The following PALD1 variants were observed in gnomAD, a reference collection of about 807,000 sequenced individuals.
PALD1 encodes the protein phosphatase domain containing paladin 1, also known as paladin.
Under a neutral mutation model 96.0 loss-of-function variants are expected in PALD1, and 57 were observed. That is an observed-to-expected ratio of 0.59 (90% CI 0.48 to 0.74). The LOEUF is 0.74. Among genes scored for constraint, PALD1 ranks in the 30% least tolerant of loss-of-function variants. The probability of loss-of-function intolerance (pLI) is 0.00; values close to 1 mark genes in which losing one functional copy is unlikely to be tolerated. For synonymous variants in PALD1, 464 were observed against 473.6 expected, an observed-to-expected ratio of 0.98 and a Z score of 0.26; for missense variants, 1,063 against 1,143.7, an observed-to-expected ratio of 0.93 and a Z score of 1.02.
At chr10:70,504,040 C>T (rs917187878) in intron 1 of PALD1, among the ~76,000 whole-genome samples, 1 of 152,218 alleles carries the variant, frequency 6.6e-6, no homozygotes, top group African/African-American at 2.4e-5. Context: ...TTAACCCGGA[C>T]CATCTGGGCC....
chr10:70,475,467 C>T (rs1845811872), upstream of PALD1, among the ~76,000 whole-genome samples: 1 of 152,148 alleles, frequency 6.6e-6, no homozygotes, highest in African/African-American at 2.4e-5. Flanking sequence ...CTGTTCTTGG[C>T]AGTAAGGTGG....
intron 10 of PALD1, among the ~76,000 whole-genome samples, chr10:70,535,460 C>T (rs1330014625): frequency 9.2e-6 from 1 of 109,004 alleles, no homozygotes; most frequent in Non-Finnish European, 1.8e-5. Flanking sequence ...CCCCCTCTTC[C>T]TCTTCCCCAC....
chr10:70,515,495 A>C (rs1033323768), intron 1 of PALD1, among the ~76,000 whole-genome samples: 9 of 152,152 alleles, frequency 5.9e-5, no homozygotes, highest in African/African-American at 2.2e-4. Flanking sequence ...CTGGCCATTC[A>C]CAGATGGCGC....
At chr10:70,537,523 C>T (rs554447247) in intron 10 of PALD1, among the ~76,000 whole-genome samples, 10 of 152,236 alleles carry the variant, frequency 6.6e-5, no homozygotes, top group Non-Finnish European at 1.0e-4. Context: ...TGAGGGAGCC[C>T]CTGCCTGTCT....
intron 1 of PALD1, among the ~76,000 whole-genome samples, chr10:70,505,020 T>A (rs1459505844): frequency 1.3e-5 from 2 of 152,246 alleles, no homozygotes; most frequent in Non-Finnish European, 2.9e-5. Context: ...ATCAGGCATC[T>A]GTCTTTGGGA....
chr10:70,514,074 ACT>A (rs1466127063), intron 1 of PALD1, among the ~76,000 whole-genome samples: 1 of 151,644 alleles, frequency 6.6e-6, no homozygotes, highest in Non-Finnish European at 1.5e-5. Flanking sequence ...GCATTCCCAC[ACT>A]CTGCTGGCCC....
At chr10:70,486,058 A>C (rs1169465456) in intron 1 of PALD1, 1 of 225,864 alleles carries the variant, frequency 4.4e-6, no homozygotes, top group African/African-American at 2.3e-5. Flanking sequence ...TCATTCCAGC[A>C]AGTTATGCCG....
chr10:70,526,025 G>C lies in PALD1; in HGVS notation c.74G>C (p.Gly25Ala). Reference sequence around the variant, plus strand: ...CCATTTGAGGGCCTACAGGGCAGTGGCACGATGGACAGTCGGCACTCCGTC... The same window carrying C: ...CCATTTGAGGGCCTACAGGGCAGTGCCACGATGGACAGTCGGCACTCCGTC... ...GTPFEGLQGS[G>A]TMDSRHSVSI... is the part of the protein sequence containing the mutation. The change falls in exon 2 of 20, where the codon GGC becomes GCC. Residue 25 changes from glycine to alanine, a missense_variant. By Grantham distance (60) the Gly-to-Ala change is moderately conservative (BLOSUM62 0). Transcript: ENST00000263563. 1 of 1,614,162 alleles carries C rather than the reference G, an allele frequency of 6.2e-7. No individual in the cohort carries two copies. Among genetic ancestry groups the C allele is most frequent in the Non-Finnish European group, 8.5e-7 (1 of 1,180,012 alleles).
At chr10:70,466,247 C>CT in the PALD1 span, among the ~76,000 whole-genome samples, 62 of 149,124 alleles carry the variant, frequency 4.2e-4, no homozygotes, top group African/African-American at 9.8e-4. Flanking sequence ...CCATTTTAAC[C>CT]TTTTTTTTTT....
At chr10:70,482,879 A>T (rs1845957430) in intron 1 of PALD1, among the ~76,000 whole-genome samples, 1 of 152,116 alleles carries the variant, frequency 6.6e-6, no homozygotes. Context: ...CTCAGTAAAC[A>T]TTAGGTGCTT....
the PALD1 span, among the ~76,000 whole-genome samples, chr10:70,465,617 A>C: frequency 6.6e-6 from 1 of 152,206 alleles, no homozygotes; most frequent in Non-Finnish European, 1.5e-5. Context: ...ACATATTTAC[A>C]GAGTGGAGTC....
intron 18 of PALD1, among the ~76,000 whole-genome samples, chr10:70,549,471 G>A (rs1260584935): frequency 1.3e-5 from 2 of 152,248 alleles, no homozygotes; most frequent in Non-Finnish European, 1.5e-5. Flanking sequence ...TGTCCACTGC[G>A]AGGCACCCAG....
At chr10:70,531,981 T>TAAAAAA (rs71472975) in intron 5 of PALD1, among the ~76,000 whole-genome samples, 1 of 136,588 alleles carries the variant, frequency 7.3e-6, no homozygotes, top group African/African-American at 2.6e-5. Flanking sequence ...AAACTCTTTC[T>TAAAAAA]AAAAAAAAAA....
intron 18 of PALD1, among the ~76,000 whole-genome samples, chr10:70,554,003 T>C (rs1483118753): frequency 6.6e-6 from 1 of 152,220 alleles, no homozygotes; most frequent in Non-Finnish European, 1.5e-5. Flanking sequence ...TCTCTATGCC[T>C]GTCTCAAGCA....
chr10:70,546,867 C>T (rs1847375694), intron 17 of PALD1, among the ~76,000 whole-genome samples: 1 of 152,132 alleles, frequency 6.6e-6, no homozygotes, highest in Non-Finnish European at 1.5e-5. Flanking sequence ...AGGAGGATCA[C>T]CTGAATCCAG....
At chr10:70,504,863 A>G (rs1205826675) in intron 1 of PALD1, among the ~76,000 whole-genome samples, 1 of 152,224 alleles carries the variant, frequency 6.6e-6, no homozygotes, top group African/African-American at 2.4e-5. Flanking sequence ...CTTTGATCCT[A>G]TGTAAAAATT....
intron 1 of PALD1, among the ~76,000 whole-genome samples, chr10:70,493,654 A>C (rs1439188662): frequency 6.6e-6 from 1 of 152,130 alleles, no homozygotes; most frequent in Non-Finnish European, 1.5e-5. Flanking sequence ...CCATGCTTCT[A>C]GGTGTTCAGG....
the PALD1 span, among the ~76,000 whole-genome samples, chr10:70,469,427 GTCTGGGGGTGT>G: frequency 2.6e-5 from 4 of 152,172 alleles, no homozygotes; most frequent in African/African-American, 9.7e-5. Context: ...ATCTCAGATT[GTCTGGGGGTGT>G]CTGGAGGGGC....
upstream of PALD1, among the ~76,000 whole-genome samples, chr10:70,474,263 A>G (rs936443774): frequency 1.8e-4 from 27 of 152,170 alleles, no homozygotes; most frequent in African/African-American, 6.3e-4. Context: ...AAGAAATAGG[A>G]TAAGATAGAT....
Sources: gnomAD v4.1 joint callset for allele counts (sites outside exome capture counted in the v4.1 genomes callset) on GRCh38, gnomAD v4.1.1 for gene constraint, MANE v1.5 for transcripts, NCBI Gene and HGNC (gene_info 2026-07-23, HGNC 2026-07-21) for gene names.